H3-3A: variants seen among roughly 807,000 people sequenced by gnomAD.
H3-3A encodes the protein histone H3.3.
For missense variants in H3-3A, 7 were observed against 184.0 expected (o/e 0.04, Z 5.57); for synonymous variants, 49 against 61.4 (o/e 0.80, Z 0.95).
upstream of H3-3A, chr1:226,062,232 CGGGGCCCGCGCG>C (rs1476480991): frequency 1.3e-5 from 2 of 150,408 alleles, no homozygotes; most frequent in Non-Finnish European, 3.0e-5. Flanking sequence ...GGGCGCGCGC[CGGGGCCCGCGCG>C]GGGGCAGCCC....
At chr1:226,071,034 TCTTG>T (rs1274454164) in intron 3 of H3-3A, among the ~76,000 whole-genome samples, 1 of 152,206 alleles carries the variant, frequency 6.6e-6, no homozygotes, top group Non-Finnish European at 1.5e-5. Flanking sequence ...AAATTGGATT[TCTTG>T]CTTTATTTGT....
rs1658097240 is a variant in H3-3A at position 226,070,888 on chromosome 1, C to T, written c.283-463C>T. ...GATGAGAAGCATGTGATAAAAACCA[C>T]TTGTTCACCATGTTATACTACTGGA... On this transcript the variant is annotated intron_variant, in intron 3 of 3. Coordinates refer to ENST00000366815, the MANE Select transcript of H3-3A (RefSeq NM_002107.7). 2.0e-5 allele frequency among the ~76,000 whole-genome samples: 3 copies of T among 152,222 alleles called. No individual in the cohort carries two copies. In the South Asian group the frequency reaches 6.2e-4, roughly 31 times the overall value.
rs1658023747 is a variant in H3-3A at position 226,069,296 on chromosome 1, C to G, written c.283-2055C>G. Among the ~76,000 whole-genome samples, 4 of 152,168 alleles carry G rather than the reference C, an allele frequency of 2.6e-5. No individual in the cohort carries two copies. In the South Asian group the frequency reaches 8.3e-4, roughly 32 times the overall value. On this transcript the variant is annotated intron_variant, in intron 3 of 3. Coordinates refer to ENST00000366815, the MANE Select transcript of H3-3A (RefSeq NM_002107.7). Reference sequence around the variant, plus strand: ...TCCTGACCTCGGGTGATCTGCCTGCCTCGGCCTCCCAAAGTGCTGGGATTA... The same window carrying G: ...TCCTGACCTCGGGTGATCTGCCTGCGTCGGCCTCCCAAAGTGCTGGGATTA...
chr1:226,062,515 G>A (rs945699328), upstream of H3-3A, among the ~76,000 whole-genome samples: 1 of 147,466 alleles, frequency 6.8e-6, no homozygotes, highest in Non-Finnish European at 1.5e-5. Context: ...GCGCGAGGCG[G>A]CCTGGAGGAG....
At position 226,064,323 on chromosome 1, in the gene H3-3A, T is replaced by G; in HGVS notation, c.-23-6T>G. 6.2e-7 allele frequency: 1 copy of G among 1,603,836 alleles called. No homozygotes were observed. The highest frequency in any genetic ancestry group is 8.5e-7 in the Non-Finnish European group (1 of 1,174,830). On this transcript the variant is annotated splice_polypyrimidine_tract_variant and splice_region_variant and intron_variant, in intron 1 of 3. Coordinates refer to ENST00000366815, the MANE Select transcript of H3-3A (RefSeq NM_002107.7). ...ATGGTGATTTTTGATTTTTCAATGC[T>G]GGTAGGTAAGTAAGGAGGTCTCTGT... is the stretch of plus-strand genomic sequence containing the variant.
intron 3 of H3-3A, among the ~76,000 whole-genome samples, chr1:226,067,459 C>T (rs1657965844): frequency 6.6e-6 from 1 of 152,052 alleles, no homozygotes; most frequent in African/African-American, 2.4e-5. Flanking sequence ...AGAGAGTGGG[C>T]CGGGCGCCGT....
intron 3 of H3-3A, among the ~76,000 whole-genome samples, chr1:226,068,499 T>C (rs1383205510): frequency 3.3e-5 from 5 of 152,214 alleles, no homozygotes; most frequent in Non-Finnish European, 2.9e-5. Flanking sequence ...CTGTTTTCTT[T>C]CCTGATATAA....
chr1:226,062,286 C>G (rs1657733765), upstream of H3-3A, among the ~76,000 whole-genome samples: 1 of 150,062 alleles, frequency 6.7e-6, no homozygotes, highest in Non-Finnish European at 1.5e-5. Flanking sequence ...GCCCGAGACG[C>G]CCGCAGGCCG....
At chr1:226,062,359 A>T (rs1657736271), upstream of H3-3A, among the ~76,000 whole-genome samples, 2 of 149,580 alleles carry the variant, frequency 1.3e-5, no homozygotes, top group Non-Finnish European at 3.0e-5. Flanking sequence ...GGGCGCCCCA[A>T]ACCCGGGCTT....
chr1:226,063,848 A>G (rs572049836), intron 1 of H3-3A: 2 of 143,526 alleles, frequency 1.4e-5, no homozygotes, highest in South Asian at 2.0e-4. Flanking sequence ...AAGATGCAAA[A>G]CCAAGAATAT....
intron 1 of H3-3A, 90 bp from the exon 2 acceptor site, chr1:226,064,239 T>C: frequency 4.5e-6 from 4 of 880,662 alleles, no homozygotes; most frequent in Non-Finnish European, 7.2e-6. Context: ...TGATCATAAT[T>C]TCCAGATTTG....
At chr1:226,071,247 A>AT (rs1019095335) in intron 3 of H3-3A, 104 bp from the exon 4 acceptor site, 67 of 861,756 alleles carry the variant, frequency 7.8e-5, no homozygotes, top group Middle Eastern at 3.4e-4. Flanking sequence ...TTGCCCAGTC[A>AT]TTTTTTTAAA....
chr1:226,064,765 G>T (rs1011565755), intron 2 of H3-3A, among the ~76,000 whole-genome samples: 2 of 152,132 alleles, frequency 1.3e-5, no homozygotes, highest in Non-Finnish European at 2.9e-5. Flanking sequence ...TGACATTTTA[G>T]TTAACTATTA....
At chr1:226,063,733 C>T (rs192446563) in intron 1 of H3-3A, among the ~76,000 whole-genome samples, 12 of 152,282 alleles carry the variant, frequency 7.9e-5, no homozygotes, top group East Asian at 1.9e-4. Context: ...ACTGCGAAGC[C>T]TGTGAGGACT....
chr1:226,063,592 G>T (rs1288650158), intron 1 of H3-3A, among the ~76,000 whole-genome samples: 1 of 152,172 alleles, frequency 6.6e-6, no homozygotes. Context: ...GAGCGAGGCG[G>T]GCAGGTTGGG....
At chr1:226,062,567 G>C (rs1300757917), upstream of H3-3A, 1 of 144,472 alleles carries the variant, frequency 6.9e-6, no homozygotes, top group Non-Finnish European at 1.5e-5. Context: ...GCGCGCCAGC[G>C]AACGGGCGCG....
At chr1:226,067,643 G>C (rs983846465) in intron 3 of H3-3A, among the ~76,000 whole-genome samples, 7 of 151,966 alleles carry the variant, frequency 4.6e-5, no homozygotes, top group Admixed American at 3.3e-4. Flanking sequence ...TAGGGAGGCT[G>C]AGGCAGGAGA....
upstream of H3-3A, among the ~76,000 whole-genome samples, chr1:226,062,358 A>T (rs1004505424): frequency 6.7e-6 from 1 of 149,916 alleles, no homozygotes; most frequent in Non-Finnish European, 1.5e-5. Context: ...CGGGCGCCCC[A>T]AACCCGGGCT....
intron 3 of H3-3A, among the ~76,000 whole-genome samples, chr1:226,069,983 A>C (rs1658052726): frequency 6.6e-6 from 1 of 152,200 alleles, no homozygotes; most frequent in Non-Finnish European, 1.5e-5. Context: ...GTTAAGTGTC[A>C]ATGAGTGATT....
Sources: allele counts gnomAD v4.1 joint callset (sites outside exome capture counted in the v4.1 genomes callset), GRCh38; gene constraint gnomAD v4.1.1; transcripts MANE v1.5; gene names NCBI Gene and HGNC (gene_info 2026-07-23, HGNC 2026-07-21).